Variants in HS6ST3 observed in about 807,000 individuals in gnomAD.
The protein encoded by HS6ST3 is heparan-sulfate 6-O-sulfotransferase 3.
HS6ST3 carries 12 observed loss-of-function variants against 36.7 expected under a neutral mutation model. The ratio of observed to expected loss-of-function variants is 0.33; its 90% CI spans 0.21 to 0.53. The LOEUF (loss-of-function observed/expected upper bound fraction) is 0.53, where lower values mean the gene tolerates loss of function less well. HS6ST3 is among the 20% of genes least tolerant of loss of function. HS6ST3 has a pLI of 0.95. For missense variants in HS6ST3, 584 were observed against 640.9 expected, an observed-to-expected ratio of 0.91 and a Z score of 0.96; for synonymous variants, 240 against 257.5, an observed-to-expected ratio of 0.93 and a Z score of 0.65.
chr13:96,303,366 C>G (rs1272412859), intron 1 of HS6ST3, among the ~76,000 whole-genome samples: 4 of 152,162 alleles, frequency 2.6e-5, no homozygotes, highest in African/African-American at 7.2e-5. Context: ...GTGACCTGAC[C>G]TTGTGGGCTA....
At chr13:96,541,045 A>G (rs2056175511) in intron 1 of HS6ST3, among the ~76,000 whole-genome samples, 1 of 151,904 alleles carries the variant, frequency 6.6e-6, no homozygotes, top group Non-Finnish European at 1.5e-5. Context: ...TTATTTATTT[A>G]TTTTTCTAAG....
intron 1 of HS6ST3, among the ~76,000 whole-genome samples, chr13:96,360,709 G>T (rs2055233909): frequency 6.6e-6 from 1 of 150,622 alleles, no homozygotes; most frequent in African/African-American, 2.4e-5. Flanking sequence ...CACTTTGGAA[G>T]GCTGAGGCAG....
chr13:96,368,239 G>A (rs2055273054), intron 1 of HS6ST3, among the ~76,000 whole-genome samples: 1 of 152,228 alleles, frequency 6.6e-6, no homozygotes, highest in East Asian at 1.9e-4. Context: ...AAAGTAAGGG[G>A]CTGGCAGTCA....
chr13:96,510,779 C>G (rs1481201630), intron 1 of HS6ST3, among the ~76,000 whole-genome samples: 1 of 152,038 alleles, frequency 6.6e-6, no homozygotes, highest in Non-Finnish European at 1.5e-5. Context: ...TCACTCAGCC[C>G]CACAGATAAG....
At chr13:96,173,697 A>G (rs2054199319) in intron 1 of HS6ST3, among the ~76,000 whole-genome samples, 1 of 140,634 alleles carries the variant, frequency 7.1e-6, no homozygotes, top group South Asian at 2.3e-4. Context: ...AAAAAAATGG[A>G]GTCCAGAGGA....
intron 1 of HS6ST3, among the ~76,000 whole-genome samples, chr13:96,461,340 C>T (rs1023488948): frequency 6.6e-6 from 1 of 152,050 alleles, no homozygotes; most frequent in African/African-American, 2.4e-5. Flanking sequence ...ATAAGAAGAA[C>T]AACAACAAAA....
intron 1 of HS6ST3, among the ~76,000 whole-genome samples, chr13:96,681,141 G>T (rs1179143028): frequency 6.6e-6 from 1 of 152,104 alleles, no homozygotes; most frequent in Non-Finnish European, 1.5e-5. Context: ...GAAGAGTGCT[G>T]GATCATGTTA....
intron 1 of HS6ST3, among the ~76,000 whole-genome samples, chr13:96,609,088 G>C (rs146886394): frequency 0.054 from 8,149 of 152,028 alleles, 306 homozygotes; most frequent in Middle Eastern, 0.085. Context: ...TCCTGCCTCA[G>C]CCTCCCGAGT....
At chr13:96,536,998 G>A (rs761749652) in intron 1 of HS6ST3, among the ~76,000 whole-genome samples, 10 of 152,066 alleles carry the variant, frequency 6.6e-5, no homozygotes, top group Non-Finnish European at 1.0e-4. Flanking sequence ...AATCCTCTGC[G>A]AAGCCCATAC....
chr13:96,826,851 A>C (rs953792369), intron 1 of HS6ST3, among the ~76,000 whole-genome samples: 3 of 152,202 alleles, frequency 2.0e-5, no homozygotes, highest in African/African-American at 7.2e-5. Flanking sequence ...TTATCAGTTA[A>C]AATGATTATT....
chr13:96,829,988 A>G (rs759767971), intron 1 of HS6ST3, among the ~76,000 whole-genome samples: 1 of 152,146 alleles, frequency 6.6e-6, no homozygotes, highest in African/African-American at 2.4e-5. Flanking sequence ...TTTAAACTTT[A>G]CAATAATGAG....
At chr13:96,229,333 T>A (rs962514579) in intron 1 of HS6ST3, among the ~76,000 whole-genome samples, 25 of 152,136 alleles carry the variant, frequency 1.6e-4, no homozygotes, top group African/African-American at 5.3e-4. Context: ...GGTGCATTAG[T>A]CAGGTCAGGC....
chr13:96,742,216 C>T (rs1318362863), intron 1 of HS6ST3, among the ~76,000 whole-genome samples: 1 of 151,294 alleles, frequency 6.6e-6, no homozygotes, highest in African/African-American at 2.4e-5. Context: ...CAGGGGAGTA[C>T]AATTTTAAAA....
intron 1 of HS6ST3, among the ~76,000 whole-genome samples, chr13:96,320,695 A>G (rs1353630002): frequency 6.6e-6 from 1 of 152,220 alleles, no homozygotes; most frequent in African/African-American, 2.4e-5. Context: ...AACAGCTGCT[A>G]GCCCCAGCAT....
chr13:96,306,242 T>C (rs977729275), intron 1 of HS6ST3, among the ~76,000 whole-genome samples: 3 of 152,164 alleles, frequency 2.0e-5, no homozygotes, highest in African/African-American at 7.2e-5. Flanking sequence ...TAGCTGGGAC[T>C]ACAGGTGCAT....
intron 1 of HS6ST3, among the ~76,000 whole-genome samples, chr13:96,326,894 C>A (rs2055034948): frequency 6.6e-6 from 1 of 150,392 alleles, no homozygotes; most frequent in Admixed American, 6.6e-5. Flanking sequence ...GATGGTATCT[C>A]ATTGTGGTTT....
At position 96,329,988 on chromosome 13, in the gene HS6ST3, T is replaced by G. The variant is rs376846542; in HGVS notation, c.707+238419T>G. The stretch of plus-strand genomic sequence containing the variant: ...TGTTGGTTTAAAGTCTGTTTTATCA[T>G]AGACTAGGATTGCAACCCCTGCCTT... On this transcript the variant is annotated intron_variant, in intron 1 of 1. Coordinates refer to ENST00000376705, the MANE Select transcript of HS6ST3 (RefSeq NM_153456.4). 4.0e-3 allele frequency among the ~76,000 whole-genome samples: 596 copies of G among 150,390 alleles called. 13 individuals are homozygous for G. Among genetic ancestry groups the G allele is most frequent in the East Asian group, 0.022 (108 of 4,930 alleles).
chr13:96,166,942 G>A (rs552229003), intron 1 of HS6ST3, among the ~76,000 whole-genome samples: 1 of 152,036 alleles, frequency 6.6e-6, no homozygotes, highest in African/African-American at 2.4e-5. Context: ...CTTTTGCTCA[G>A]TGCTTCTCCT....
intron 1 of HS6ST3, among the ~76,000 whole-genome samples, chr13:96,706,413 T>TTA (rs3052119): frequency 0.093 from 11,288 of 120,780 alleles, 546 homozygotes; most frequent in South Asian, 0.12. Context: ...AGAATATATT[T>TTA]TATATATATA....
Sources: allele counts gnomAD v4.1 joint callset (sites outside exome capture counted in the v4.1 genomes callset), GRCh38; gene constraint gnomAD v4.1.1; transcripts MANE v1.5; gene names NCBI Gene and HGNC (gene_info 2026-07-23, HGNC 2026-07-21).